Variants in SLC45A1 observed in about 807,000 individuals in gnomAD.
The protein encoded by SLC45A1 is proton-associated sugar transporter A.
Under a neutral mutation model 57.6 loss-of-function variants are expected in SLC45A1, and 28 were observed. That is an observed-to-expected ratio of 0.49 (90% CI 0.36 to 0.67). SLC45A1 has a LOEUF of 0.67. Ranked by LOEUF, SLC45A1 falls within the 30% of genes least tolerant of loss-of-function variation. The probability of loss-of-function intolerance (pLI) is 0.00; values close to 1 mark genes in which losing one functional copy is unlikely to be tolerated. For missense variants in SLC45A1, 814 were observed against 1,041.5 expected, an observed-to-expected ratio of 0.78 and a Z score of 3.01; for synonymous variants, 459 against 471.5, an observed-to-expected ratio of 0.97 and a Z score of 0.34.
Position 8,335,337 on chromosome 1 carries a change from G to A in SLC45A1, c.1444-100G>A, listed in dbSNP as rs1033937972. On this transcript the variant is annotated intron_variant, in intron 5 of 8. Transcript: ENST00000471889. This position sits in a 1 kb window ranked among gnomAD's most constrained non-coding sequence, Gnocchi z 4.1. Reference sequence around the variant, plus strand: ...AAGAAGACAGACCCTTGCAGCCTCCGTGCGGTGTTTCCGAGAGCGCATTCC... The same window carrying A: ...AAGAAGACAGACCCTTGCAGCCTCCATGCGGTGTTTCCGAGAGCGCATTCC... 4.2e-5 allele frequency: 50 copies of A among 1,184,050 alleles called. No individual in the cohort carries two copies. The highest frequency in any genetic ancestry group is 5.2e-5 in the Non-Finnish European group (45 of 871,932). 73.3% of individuals were successfully genotyped at this position (1,184,050 alleles called of 1,614,324 possible). A position where few individuals can be genotyped will look rare whatever the true frequency, so the allele number is the denominator to read the frequency against.
At chr1:8,340,746 T>C (rs1224321676) in intron 8 of SLC45A1, among the ~76,000 whole-genome samples, 1 of 152,174 alleles carries the variant, frequency 6.6e-6, no homozygotes, top group Non-Finnish European at 1.5e-5. Context: ...CATGGCTTAA[T>C]AACAACGAAA....
rs1350217735 is a variant in SLC45A1, at chr1:8,330,201, T to A, written c.716-8T>A. On this transcript the variant is annotated splice_polypyrimidine_tract_variant and splice_region_variant and intron_variant, in intron 4 of 8. Transcript: ENST00000471889. The surrounding 1 kb of genome is among the most constrained non-coding windows in gnomAD (Gnocchi z 8.4). ...AGAAGGGAACTCAAACCCTGTCTCT[T>A]TCCCCAGGTCTCGGAGGAGGCTTTG... 1 of 1,610,528 alleles carries A rather than the reference T, an allele frequency of 6.2e-7. No homozygotes were observed.
In SLC45A1 at chr1:8,343,673, C is replaced by T; in HGVS notation, c.1981-74C>T. On this transcript the variant is annotated intron_variant, in intron 8 of 8. Transcript: ENST00000471889. This position sits in a 1 kb window ranked among gnomAD's most constrained non-coding sequence, Gnocchi z 7.7. Reference sequence around the variant, plus strand: ...GGGCCGCTCGGGCCTCCTGGGCTCGCAGGACACACCGAGCTCGGTCACCCC... The same window carrying T: ...GGGCCGCTCGGGCCTCCTGGGCTCGTAGGACACACCGAGCTCGGTCACCCC... The T allele has an allele frequency of 6.5e-7, 1 of 1,532,932 alleles. No individual in the cohort carries two copies. Among genetic ancestry groups the T allele is most frequent in the Non-Finnish European group, 8.8e-7 (1 of 1,134,448 alleles). The allele number at this position is 1,532,932 out of a possible 1,614,324, so 95.0% of individuals were successfully genotyped here.
At chr1:8,332,114 G>A (rs1237847263) in intron 5 of SLC45A1, among the ~76,000 whole-genome samples, 6 of 152,104 alleles carry the variant, frequency 3.9e-5, no homozygotes, top group African/African-American at 1.2e-4. Context: ...AAACACTTAC[G>A]TTTGCCCAAA....
intron 1 of SLC45A1, among the ~76,000 whole-genome samples, chr1:8,323,469 C>T (rs894296536): frequency 1.3e-4 from 18 of 138,522 alleles, no homozygotes; most frequent in African/African-American, 4.0e-4. Context: ...CCAGCCTGGG[C>T]GACAGAGCAA....
Position 8,330,511 on chromosome 1 carries a change from C to G in SLC45A1, c.1018C>G (p.Pro340Ala), listed in dbSNP as rs763904396. Residue 340 changes from proline to alanine, a missense_variant, in exon 5 of 9, where the codon CCG becomes GCG. Transcript: ENST00000471889. The surrounding 1 kb of genome is among the most constrained non-coding windows in gnomAD (Gnocchi z 8.4). Reference protein sequence around the residue: ...TATNFSSPISPPSPLTPKYGS... With the variant: ...TATNFSSPISAPSPLTPKYGS... ...CACCAACTTCTCCAGCCCCATCTCG[C>G]CGCCCAGCCCCCTCACGCCCAAGTA... The G allele has an allele frequency of 6.2e-7, 1 of 1,613,134 alleles. No individual in the cohort carries two copies.
chr1:8,323,634 G>A lies in SLC45A1; in HGVS notation c.-24-672G>A, dbSNP rs539090303. ...TCGGCTTATTAAAGAAAGCATTTTC[G>A]AACACTGTCAAAGCCTCAGTTCTCC... On this transcript the variant is annotated intron_variant, in intron 1 of 8. Coordinates refer to ENST00000471889, the MANE Select transcript of SLC45A1 (RefSeq NM_001080397.3). Among the ~76,000 whole-genome samples, 257 of 151,756 alleles carry A rather than the reference G, an allele frequency of 1.7e-3. 1 individual carries two copies. Among genetic ancestry groups the A allele is most frequent in the Non-Finnish European group, 3.2e-3 (220 of 68,014 alleles).
chr1:8,337,070 A>C (rs3844031), intron 6 of SLC45A1, among the ~76,000 whole-genome samples: 148,386 of 152,276 alleles, frequency 0.97, 72,419 homozygotes, highest in East Asian at 1. Context: ...AAAGACATAC[A>C]CGAAACTGGG....
intron 5 of SLC45A1, among the ~76,000 whole-genome samples, chr1:8,333,770 T>A (rs1640499479): frequency 6.6e-6 from 1 of 152,224 alleles, no homozygotes; most frequent in South Asian, 2.1e-4. Context: ...ATGGGGCCTT[T>A]CGTTTGCTTT....
Position 8,327,256 on chromosome 1 carries a change from A to G in SLC45A1, c.715+1214A>G, listed in dbSNP as rs1240541709. Among the ~76,000 whole-genome samples, 1 of 152,212 alleles carries G rather than the reference A, an allele frequency of 6.6e-6. No individual in the cohort carries two copies. The highest frequency in any genetic ancestry group is 2.4e-5 in the African/African-American group (1 of 41,464). On this transcript the variant is annotated intron_variant, in intron 4 of 8. Transcript: ENST00000471889. The surrounding 1 kb of genome is among the most constrained non-coding windows in gnomAD (Gnocchi z 4.3). ...CATGGACACACACACGACTATATCC[A>G]TACCATGCATATATGTATGTATATA...
chr1:8,330,973 G>C lies in SLC45A1; in HGVS notation c.1443+37G>C. 1 of 1,538,642 alleles carries C rather than the reference G, an allele frequency of 6.5e-7. No homozygotes were observed. The highest frequency in any genetic ancestry group is 2.3e-5 in the East Asian group (1 of 44,082). On this transcript the variant is annotated intron_variant, in intron 5 of 8. Coordinates refer to ENST00000471889, the MANE Select transcript of SLC45A1 (RefSeq NM_001080397.3). The surrounding 1 kb of genome is among the most constrained non-coding windows in gnomAD (Gnocchi z 8.4). ...TGTCGGGGGAGCTGAGGCTCAGAGG[G>C]TGGCATTCGGGGGTCCCCTGGTCAG... is the stretch of plus-strand genomic sequence containing the variant.
In SLC45A1 at chr1:8,338,011, G is replaced by C. The variant is rs757120657; in HGVS notation, c.1774+19G>C. The C allele has an allele frequency of 6.8e-6, 11 of 1,609,840 alleles. No homozygotes were observed. The highest frequency in any genetic ancestry group is 1.3e-5 in the African/African-American group (1 of 74,828). ...TACTCAGGTACCCGCTGCCAGCCAG[G>C]CTGGCACGGCAGTGAGAGCTTTGGT... is the stretch of plus-strand genomic sequence containing the variant. On this transcript the variant is annotated intron_variant, in intron 7 of 8. Transcript: ENST00000471889.
At chr1:8,331,080 A>G in intron 5 of SLC45A1, 144 bp downstream of exon 5, 1 of 1,128,596 alleles carries the variant, frequency 8.9e-7, no homozygotes. Context: ...TGACCTAAAG[A>G]GAAAAGCCTT....
Position 8,339,584 on chromosome 1 carries a change from CCTCTCCAGGAACCTCTACGT to C in SLC45A1, c.1867_1886del (p.Leu623GlyfsTer30), listed in dbSNP as rs776219105. The C allele has an allele frequency of 6.2e-7, 1 of 1,614,244 alleles. No individual in the cohort carries two copies. The highest frequency in any genetic ancestry group is 8.5e-7 in the Non-Finnish European group (1 of 1,180,038). ...TCGGCCTGGGGACCGGGCTTGCCAC[CCTCTCCAGGAACCTCTACGT>C]GGTCCTGTCGCTCTGCATAACCTAC... On this transcript the variant is annotated frameshift_variant, in exon 8 of 9. Transcript: ENST00000471889. LOFTEE classifies it high-confidence loss of function.
At chr1:8,318,462 G>A (rs1639892160) in intron 1 of SLC45A1, among the ~76,000 whole-genome samples, 1 of 152,234 alleles carries the variant, frequency 6.6e-6, no homozygotes, top group Admixed American at 6.5e-5. Flanking sequence ...CCCGGCCTTG[G>A]CCCCAGCTCC....
rs116637859 is a variant in SLC45A1, at chr1:8,333,880, T to C, written c.1444-1557T>C. Among the ~76,000 whole-genome samples the C allele has an allele frequency of 2.8e-3, 423 of 152,328 alleles. 5 individuals carry two copies. The highest frequency in any genetic ancestry group is 9.8e-3 in the African/African-American group (409 of 41,576). On this transcript the variant is annotated intron_variant, in intron 5 of 8. Transcript: ENST00000471889. Reference sequence around the variant, plus strand: ...TGCGCAGGCCTCACAGGGACATCTGTTGAGGTTCCTGGTGGCACCAAGGAC... The same window carrying C: ...TGCGCAGGCCTCACAGGGACATCTGCTGAGGTTCCTGGTGGCACCAAGGAC...
In SLC45A1 at chr1:8,318,166, G is replaced by A; in HGVS notation, c.-45G>A. The A allele has an allele frequency of 2.2e-6, 1 of 445,282 alleles. No individual in the cohort carries two copies. The allele number at this position is 445,282 out of a possible 1,614,324, so 27.6% of individuals were successfully genotyped here. A position where few individuals can be genotyped will look rare whatever the true frequency, so the allele number is the denominator to read the frequency against. On this transcript the variant is annotated 5_prime_UTR_variant, in exon 1 of 9. It removes an upstream start codon present in the reference 5' UTR. Coordinates refer to ENST00000471889, the MANE Select transcript of SLC45A1 (RefSeq NM_001080397.3). ...GCAGCAGCCCAGCGGGGACAGGGAT[G>A]CCTGCCGTCTCCACCCACAGGTACC...
rs371985943 is a variant in SLC45A1 at position 8,344,008 on chromosome 1, G to T, written c.2242G>T (p.Val748Phe). The change falls in exon 9 of 9, where the codon GTC becomes TTC. Residue 748 changes from valine to phenylalanine, a missense_variant. Transcript: ENST00000471889. ...DEEHRPLLLN[V>F] The stretch of plus-strand genomic sequence containing the variant: ...GGAGCACCGGCCCCTCCTGCTGAAC[G>T]TCTGACATCGCGGAGCCTCGACTCC... 1.9e-6 allele frequency: 3 copies of T among 1,604,738 alleles called. No homozygotes were observed. The highest frequency in any genetic ancestry group is 1.3e-5 in the African/African-American group (1 of 74,748).
chr1:8,326,959 A>G lies in SLC45A1; in HGVS notation c.715+917A>G, dbSNP rs952202923. Among the ~76,000 whole-genome samples the G allele has an allele frequency of 2.0e-5, 3 of 152,236 alleles. No individual in the cohort carries two copies. Among genetic ancestry groups the G allele is most frequent in the Non-Finnish European group, 4.4e-5 (3 of 68,048 alleles). On this transcript the variant is annotated intron_variant, in intron 4 of 8. Transcript: ENST00000471889. The surrounding 1 kb of genome is among the most constrained non-coding windows in gnomAD (Gnocchi z 5.5). ...CGCACTATTGCACTCCAGCCTGGGC[A>G]ACAAGAGCGAACCTCCATCTCAAAA...
Sources: gnomAD v4.1 joint callset for allele counts (sites outside exome capture counted in the v4.1 genomes callset) on GRCh38, gnomAD v4.1.1 for gene constraint, Gnocchi (gnomAD v3.1) non-coding constraint, MANE v1.5 for transcripts, NCBI Gene and HGNC (gene_info 2026-07-23, HGNC 2026-07-21) for gene names.